SCAPER: variants seen among roughly 807,000 people sequenced by gnomAD.
SCAPER encodes the protein S-phase cyclin A associated protein in the ER, also known as S phase cyclin A-associated protein in the endoplasmic reticulum.
In SCAPER, 98 loss-of-function variants were observed where a neutral mutation model predicts 182.2. That is an observed-to-expected ratio of 0.54 (90% confidence interval 0.46 to 0.64). SCAPER has a LOEUF of 0.64. SCAPER is among the 30% of genes least tolerant of loss of function. The pLI is 0.00. For synonymous variants in SCAPER, 605 were observed against 564.6 expected (o/e 1.07, Z -1.01); for missense variants, 1,432 against 1,690.0 (o/e 0.85, Z 2.68).
intron 23 of SCAPER, among the ~76,000 whole-genome samples, chr15:76,572,905 T>A (rs1375693626): frequency 2.9e-5 from 2 of 69,842 alleles, no homozygotes; most frequent in Admixed American, 4.0e-4. Context: ...TCTCTCTCTC[T>A]CTCTCTCTCT....
At chr15:76,842,054 G>C in intron 4 of SCAPER, 123 bp from the exon 5 acceptor site, 1 of 784,248 alleles carries the variant, frequency 1.3e-6, no homozygotes, top group South Asian at 1.9e-5. Flanking sequence ...CATCTGTACT[G>C]AACATGTATG....
intron 15 of SCAPER, among the ~76,000 whole-genome samples, chr15:76,738,281 AC>A (rs1391574919): frequency 3.3e-5 from 5 of 152,220 alleles, no homozygotes; most frequent in African/African-American, 9.6e-5. Flanking sequence ...AGCATGTGCG[AC>A]CACATCTGGC....
At chr15:76,874,067 T>C (rs977874989) in intron 2 of SCAPER, among the ~76,000 whole-genome samples, 2 of 152,110 alleles carry the variant, frequency 1.3e-5, no homozygotes, top group Non-Finnish European at 2.9e-5. Flanking sequence ...TAATTTACTG[T>C]ATTTTTAGTA....
chr15:76,904,011 CTT>C (rs1182533647), intron 1 of SCAPER, among the ~76,000 whole-genome samples: 3 of 152,186 alleles, frequency 2.0e-5, no homozygotes, highest in Non-Finnish European at 4.4e-5. Flanking sequence ...AAACTTGACT[CTT>C]TGATTGATTA....
intron 23 of SCAPER, among the ~76,000 whole-genome samples, chr15:76,565,203 A>G (rs1172776268): frequency 2.0e-5 from 3 of 152,218 alleles, no homozygotes; most frequent in Non-Finnish European, 4.4e-5. Flanking sequence ...AGAAAAAGAA[A>G]CTATCAAGAG....
At chr15:76,734,409 G>C (rs915807079) in intron 15 of SCAPER, among the ~76,000 whole-genome samples, 1 of 152,144 alleles carries the variant, frequency 6.6e-6, no homozygotes, top group Non-Finnish European at 1.5e-5. Flanking sequence ...CAGACTACAG[G>C]AATCCATGCT....
intron 23 of SCAPER, among the ~76,000 whole-genome samples, chr15:76,537,125 G>A (rs2044243503): frequency 6.6e-6 from 1 of 151,840 alleles, no homozygotes; most frequent in South Asian, 2.1e-4. Flanking sequence ...TCAATATCGT[G>A]AAAATGGCCA....
intron 17 of SCAPER, among the ~76,000 whole-genome samples, chr15:76,706,762 G>A (rs1206783646): frequency 1.3e-5 from 2 of 151,942 alleles, no homozygotes; most frequent in Non-Finnish European, 2.9e-5. Flanking sequence ...CACACAGCAT[G>A]CATAGCCAGC....
intron 1 of SCAPER, among the ~76,000 whole-genome samples, chr15:76,903,027 C>T (rs970814613): frequency 1.7e-4 from 26 of 150,424 alleles, no homozygotes; most frequent in African/African-American, 6.4e-4. Context: ...CGCCACTGCA[C>T]TCCAGCCTGG....
chr15:76,696,323 T>G (rs1371919181), intron 20 of SCAPER, among the ~76,000 whole-genome samples: 6 of 152,218 alleles, frequency 3.9e-5, no homozygotes, highest in African/African-American at 1.4e-4. Flanking sequence ...AAATTTATTT[T>G]CTCTTCAATC....
intron 21 of SCAPER, among the ~76,000 whole-genome samples, chr15:76,631,018 C>CTAAA (rs2053059660): frequency 6.6e-6 from 1 of 152,108 alleles, no homozygotes; most frequent in Non-Finnish European, 1.5e-5. Context: ...GTTAGGTCTT[C>CTAAA]TTGTTGAATT....
At chr15:76,812,496 AAAAAGAAAG>A (rs749601825) in intron 5 of SCAPER, among the ~76,000 whole-genome samples, 2 of 144,822 alleles carry the variant, frequency 1.4e-5, no homozygotes, top group African/African-American at 5.1e-5. Flanking sequence ...AAAAAAAAAA[AAAAAGAAAG>A]AAAGAAAGAA....
chr15:76,656,396 A>G (rs1215770277), intron 21 of SCAPER, among the ~76,000 whole-genome samples: 4 of 152,222 alleles, frequency 2.6e-5, no homozygotes, highest in Admixed American at 1.3e-4. Context: ...ATAGATTCAT[A>G]AAACAAGTTC....
At chr15:76,652,508 T>TA (rs1207436448) in intron 21 of SCAPER, among the ~76,000 whole-genome samples, 3 of 89,482 alleles carry the variant, frequency 3.4e-5, no homozygotes, top group African/African-American at 1.2e-4. Flanking sequence ...TATATATATA[T>TA]TTACATACAT....
intron 17 of SCAPER, among the ~76,000 whole-genome samples, chr15:76,724,776 T>C (rs2060483599): frequency 6.6e-6 from 1 of 152,216 alleles, no homozygotes; most frequent in South Asian, 2.1e-4. Flanking sequence ...TTCAGCTCTA[T>C]CAGGTCCTTT....
chr15:76,564,373 T>A (rs1263822749), intron 23 of SCAPER, among the ~76,000 whole-genome samples: 1 of 151,744 alleles, frequency 6.6e-6, no homozygotes, highest in Non-Finnish European at 1.5e-5. Flanking sequence ...CCAACAACAG[T>A]CAAGCGAAGA....
chr15:76,677,857 A>C (rs1249250780), intron 20 of SCAPER, among the ~76,000 whole-genome samples: 1 of 151,692 alleles, frequency 6.6e-6, no homozygotes, highest in African/African-American at 2.4e-5. Flanking sequence ...CCTATTTTTT[A>C]AGAGACATGG....
At chr15:76,380,470 C>T (rs2042876021) in intron 28 of SCAPER, 1 of 151,976 alleles carries the variant, frequency 6.6e-6, no homozygotes, top group South Asian at 2.1e-4. Flanking sequence ...TAAAGAATGG[C>T]ACATTTGTCA....
chr15:76,463,216 C>G (rs2049329844), intron 25 of SCAPER, among the ~76,000 whole-genome samples: 1 of 152,120 alleles, frequency 6.6e-6, no homozygotes, highest in Non-Finnish European at 1.5e-5. Context: ...TGGAAGAGTA[C>G]TGTTACCTGT....
Sources: allele counts gnomAD v4.1 joint callset (sites outside exome capture counted in the v4.1 genomes callset), GRCh38; gene constraint gnomAD v4.1.1; transcripts MANE v1.5; gene names NCBI Gene and HGNC (gene_info 2026-07-23, HGNC 2026-07-21).